SBF2: variants seen among roughly 807,000 people sequenced by gnomAD.
SBF2 encodes the protein SET binding factor 2, also known as myotubularin-related protein 13.
In SBF2, 112 loss-of-function variants were observed where a neutral mutation model predicts 225.2. The ratio of observed to expected loss-of-function variants is 0.50; its 90% CI spans 0.43 to 0.58. The LOEUF is 0.58. Among genes scored for constraint, SBF2 ranks in the 20% least tolerant of loss-of-function variants. The pLI, the probability that SBF2 is intolerant of heterozygous loss-of-function variation, is 0.00. For missense variants in SBF2, 1,996 were observed against 2,206.2 expected, an observed-to-expected ratio of 0.90 and a Z score of 1.91; for synonymous variants, 763 against 773.3, an observed-to-expected ratio of 0.99 and a Z score of 0.22.
intron 16 of SBF2, among the ~76,000 whole-genome samples, chr11:9,930,619 G>A (rs1232787599): frequency 6.6e-6 from 1 of 152,176 alleles, no homozygotes; most frequent in East Asian, 1.9e-4. Context: ...TTATTAACTT[G>A]GGGAGATCCG....
chr11:10,184,105 T>C (rs1320678903), intron 2 of SBF2, among the ~76,000 whole-genome samples: 2 of 152,188 alleles, frequency 1.3e-5, no homozygotes, highest in Non-Finnish European at 2.9e-5. Flanking sequence ...CCCATAAACA[T>C]GTAGAATTAT....
intron 16 of SBF2, among the ~76,000 whole-genome samples, chr11:9,938,698 G>T (rs1865057722): frequency 6.6e-6 from 1 of 152,002 alleles, no homozygotes; most frequent in Non-Finnish European, 1.5e-5. Context: ...CATTCTTTCA[G>T]AAGAAAATAA....
At chr11:10,183,260 C>T (rs1371956010) in intron 2 of SBF2, among the ~76,000 whole-genome samples, 8 of 152,164 alleles carry the variant, frequency 5.3e-5, no homozygotes, top group African/African-American at 1.9e-4. Context: ...CACATCCTCT[C>T]ATTTCTTCCA....
intron 16 of SBF2, among the ~76,000 whole-genome samples, chr11:9,914,143 T>C (rs1862877924): frequency 6.6e-6 from 1 of 152,204 alleles, no homozygotes; most frequent in Admixed American, 6.5e-5. Flanking sequence ...ATGTTGAAAT[T>C]ATCAGACCAG....
chr11:9,846,290 T>C (rs896649022), intron 23 of SBF2, among the ~76,000 whole-genome samples: 2 of 152,116 alleles, frequency 1.3e-5, no homozygotes, highest in Non-Finnish European at 2.9e-5. Flanking sequence ...TAGAAGCCAA[T>C]AGGAGAGATC....
At chr11:10,286,596 G>A (rs1453815317) in intron 1 of SBF2, among the ~76,000 whole-genome samples, 1 of 151,924 alleles carries the variant, frequency 6.6e-6, no homozygotes, top group Non-Finnish European at 1.5e-5. Context: ...CTGACCTCGT[G>A]ATCCACCCAC....
At chr11:10,142,382 AATTTAAAAATTGGGATCATTGT>A (rs945466276) in intron 2 of SBF2, among the ~76,000 whole-genome samples, 2 of 152,186 alleles carry the variant, frequency 1.3e-5, no homozygotes, top group Non-Finnish European at 2.9e-5. Context: ...TCTCACAACT[AATTTAAAAATTGGGATCATTGT>A]AGAAAGCCTC....
At chr11:10,224,276 G>A (rs1958455365) in intron 1 of SBF2, among the ~76,000 whole-genome samples, 1 of 151,990 alleles carries the variant, frequency 6.6e-6, no homozygotes, top group Admixed American at 6.6e-5. Context: ...AGCTCATGTT[G>A]TTAAATGGTC....
At chr11:10,242,223 G>C (rs529545234) in intron 1 of SBF2, among the ~76,000 whole-genome samples, 2 of 152,100 alleles carry the variant, frequency 1.3e-5, no homozygotes, top group South Asian at 4.2e-4. Context: ...ATAACATAGA[G>C]TGTGTGGCAA....
At chr11:10,253,515 G>T (rs1257864124) in intron 1 of SBF2, among the ~76,000 whole-genome samples, 1 of 152,080 alleles carries the variant, frequency 6.6e-6, no homozygotes, top group Non-Finnish European at 1.5e-5. Context: ...TGATTCTGTG[G>T]AGAAACAGAA....
In SBF2 at chr11:9,878,867, C is replaced by T. The variant is rs543841997; in HGVS notation, c.1929+17076G>A. ...TATCAGTACTGAAACATGCCTATGA[C>T]CGAGGGTTAAGCTCATGCTTTCATC... On this transcript the variant is annotated intron_variant, in intron 17 of 39. Transcript: ENST00000256190. 5.9e-5 allele frequency among the ~76,000 whole-genome samples: 9 copies of T among 152,274 alleles called. No individual in the cohort carries two copies. In the East Asian group the frequency reaches 1.2e-3, roughly 20 times the overall value.
At chr11:10,173,718 A>T (rs1254731012) in intron 2 of SBF2, among the ~76,000 whole-genome samples, 2 of 151,604 alleles carry the variant, frequency 1.3e-5, no homozygotes, top group Non-Finnish European at 2.9e-5. Flanking sequence ...GGGCACAGAC[A>T]AACAAAAAGA....
At chr11:10,299,337 CAA>C (rs5789634) in intron 1 of SBF2, among the ~76,000 whole-genome samples, 4 of 63,136 alleles carry the variant, frequency 6.3e-5, no homozygotes, top group East Asian at 5.3e-4. Context: ...GAGTCCATCT[CAA>C]AAAAAAAAAA....
At chr11:10,203,954 T>C (rs1388933595) in intron 1 of SBF2, among the ~76,000 whole-genome samples, 1 of 151,930 alleles carries the variant, frequency 6.6e-6, no homozygotes, top group Admixed American at 6.5e-5. Context: ...GAGATATATC[T>C]GAAGTAATAA....
chr11:10,062,007 T>C (rs994942788), intron 2 of SBF2, among the ~76,000 whole-genome samples: 4 of 152,112 alleles, frequency 2.6e-5, no homozygotes, highest in South Asian at 2.1e-4. Flanking sequence ...CACAGACCAA[T>C]GGAAGAGACC....
intron 1 of SBF2, among the ~76,000 whole-genome samples, chr11:10,287,266 G>C (rs1274782196): frequency 6.6e-6 from 1 of 152,176 alleles, no homozygotes; most frequent in Non-Finnish European, 1.5e-5. Context: ...GCATGAAAAT[G>C]TTCCCTATCT....
chr11:10,098,999 C>T (rs1268950301), intron 2 of SBF2, among the ~76,000 whole-genome samples: 1 of 151,990 alleles, frequency 6.6e-6, no homozygotes, highest in Middle Eastern at 3.4e-3. Context: ...CCAAAATATG[C>T]ATGATAGAAG....
intron 2 of SBF2, among the ~76,000 whole-genome samples, chr11:10,103,504 T>C (rs1213962651): frequency 6.6e-6 from 1 of 152,228 alleles, no homozygotes; most frequent in Non-Finnish European, 1.5e-5. Flanking sequence ...TGTTAAATTA[T>C]TGTGTGCCAC....
At chr11:9,918,362 C>A (rs896903737) in intron 16 of SBF2, among the ~76,000 whole-genome samples, 1 of 151,398 alleles carries the variant, frequency 6.6e-6, no homozygotes, top group Admixed American at 6.6e-5. Context: ...CTTTTTATTT[C>A]TTTTTTTTGA....
Sources: allele counts gnomAD v4.1 joint callset (sites outside exome capture counted in the v4.1 genomes callset), GRCh38; gene constraint gnomAD v4.1.1; transcripts MANE v1.5; gene names NCBI Gene and HGNC (gene_info 2026-07-23, HGNC 2026-07-21).